RNGTT: variants seen among roughly 807,000 people sequenced by gnomAD.
RNGTT encodes the protein RNA guanylyltransferase and 5'-phosphatase.
Under a neutral mutation model 79.3 loss-of-function variants are expected in RNGTT, and 33 were observed. The observed-to-expected ratio is 0.42, with a 90% CI of 0.32 to 0.56. The LOEUF (loss-of-function observed/expected upper bound fraction) is 0.56. RNGTT is among the 20% of genes least tolerant of loss of function. The pLI is 0.17. For missense variants in RNGTT, 497 were observed against 739.1 expected, an observed-to-expected ratio of 0.67 and a Z score of 3.80; for synonymous variants, 222 against 235.9, an observed-to-expected ratio of 0.94 and a Z score of 0.54.
intron 13 of RNGTT, among the ~76,000 whole-genome samples, chr6:88,755,494 T>C (rs901393666): frequency 6.6e-6 from 1 of 152,104 alleles, no homozygotes; most frequent in Non-Finnish European, 1.5e-5. Context: ...CTAAGTTTTT[T>C]CAGTAATACC....
intron 14 of RNGTT, among the ~76,000 whole-genome samples, chr6:88,618,311 G>C (rs938797185): frequency 1.3e-5 from 2 of 152,088 alleles, no homozygotes; most frequent in South Asian, 4.1e-4. Flanking sequence ...TTGGTTAGGT[G>C]GTAAAATATA....
chr6:88,670,099 G>T (rs1053319714), intron 14 of RNGTT, among the ~76,000 whole-genome samples: 8 of 152,186 alleles, frequency 5.3e-5, no homozygotes, highest in Non-Finnish European at 1.0e-4. Flanking sequence ...GGAAAGAGGG[G>T]TCTGTGGAAA....
intron 11 of RNGTT, among the ~76,000 whole-genome samples, chr6:88,830,723 A>C (rs1418741932): frequency 2.0e-5 from 3 of 152,222 alleles, no homozygotes; most frequent in Non-Finnish European, 2.9e-5. Context: ...GAGAAGAATC[A>C]AATAGACACA....
chr6:88,697,880 T>A lies in RNGTT; in HGVS notation c.1440-19461A>T, dbSNP rs1349713358. The stretch of plus-strand genomic sequence containing the variant: ...AGTGAGACCCTGTCTTGGAAAAAAA[T>A]ATATATATGATATATATATATGATA... On this transcript the variant is annotated intron_variant, in intron 13 of 15. Coordinates refer to ENST00000369485, the MANE Select transcript of RNGTT (RefSeq NM_003800.5). 8.2e-4 allele frequency among the ~76,000 whole-genome samples: 97 copies of A among 117,954 alleles called. 4 individuals carry two copies. Among genetic ancestry groups the A allele is most frequent in the South Asian group, 1.9e-3 (8 of 4,132 alleles). The allele number at this position is 117,954 out of a possible 152,430, so 77.4% of individuals were successfully genotyped here.
At chr6:88,861,203 G>A (rs916436999) in intron 8 of RNGTT, among the ~76,000 whole-genome samples, 4 of 152,072 alleles carry the variant, frequency 2.6e-5, no homozygotes, top group Admixed American at 1.3e-4. Flanking sequence ...TCTCAATGTT[G>A]TATTAGTATA....
At chr6:88,803,663 T>C (rs928415891) in intron 11 of RNGTT, among the ~76,000 whole-genome samples, 2 of 131,666 alleles carry the variant, frequency 1.5e-5, no homozygotes, top group African/African-American at 6.5e-5. Flanking sequence ...TAATCTCTTT[T>C]TTCAAAAAAA....
At chr6:88,706,323 G>GAA (rs1457901825) in intron 13 of RNGTT, among the ~76,000 whole-genome samples, 1 of 151,862 alleles carries the variant, frequency 6.6e-6, no homozygotes, top group Non-Finnish European at 1.5e-5. Flanking sequence ...AATTTTACAA[G>GAA]AAAATAGAGG....
At chr6:88,797,941 C>CAAAAAAA (rs143559265) in intron 12 of RNGTT, among the ~76,000 whole-genome samples, 1 of 65,814 alleles carries the variant, frequency 1.5e-5, no homozygotes, top group African/African-American at 5.7e-5. Flanking sequence ...AAGCAAAAGC[C>CAAAAAAA]AAAAAAAAAA....
chr6:88,871,884 A>C (rs1782367606), intron 8 of RNGTT, among the ~76,000 whole-genome samples: 1 of 152,168 alleles, frequency 6.6e-6, no homozygotes, highest in South Asian at 2.1e-4. Context: ...GGCCACGAAG[A>C]AGATGGAAAA....
At chr6:88,635,833 A>G (rs1773078516) in intron 14 of RNGTT, among the ~76,000 whole-genome samples, 1 of 151,396 alleles carries the variant, frequency 6.6e-6, no homozygotes, top group South Asian at 2.1e-4. Flanking sequence ...TTTGCTACTT[A>G]ATATATCACT....
chr6:88,877,699 A>C (rs1782561197), intron 8 of RNGTT, among the ~76,000 whole-genome samples: 1 of 152,180 alleles, frequency 6.6e-6, no homozygotes, highest in Non-Finnish European at 1.5e-5. Context: ...GGAGTCAAAG[A>C]GTCCTTCTTT....
At chr6:88,931,107 G>A (rs1784500147) in intron 2 of RNGTT, among the ~76,000 whole-genome samples, 1 of 148,274 alleles carries the variant, frequency 6.7e-6, no homozygotes, top group South Asian at 2.1e-4. Flanking sequence ...TCATGTAGGT[G>A]CTAAAAAAGA....
chr6:88,715,341 C>A (rs1249795279), intron 13 of RNGTT, among the ~76,000 whole-genome samples: 3 of 152,078 alleles, frequency 2.0e-5, no homozygotes, highest in Admixed American at 2.0e-4. Context: ...GAAGAACATT[C>A]CATGCTCATG....
chr6:88,770,276 A>G (rs1778606454), intron 12 of RNGTT, among the ~76,000 whole-genome samples: 1 of 152,224 alleles, frequency 6.6e-6, no homozygotes, highest in African/African-American at 2.4e-5. Context: ...CATGATATTG[A>G]ACATTTCAAG....
intron 12 of RNGTT, among the ~76,000 whole-genome samples, chr6:88,770,925 A>G (rs1225361217): frequency 1.3e-5 from 2 of 152,030 alleles, no homozygotes; most frequent in Admixed American, 6.6e-5. Flanking sequence ...TGTCTGTTCA[A>G]ATCTTTTACT....
chr6:88,932,394 G>A (rs149138718), intron 2 of RNGTT, among the ~76,000 whole-genome samples: 2,924 of 152,172 alleles, frequency 0.019, 85 homozygotes, highest in African/African-American at 0.067. Flanking sequence ...ATCTCACCCT[G>A]ACCTTCTGCC....
At chr6:88,717,003 T>C (rs1776541376) in intron 13 of RNGTT, among the ~76,000 whole-genome samples, 1 of 152,168 alleles carries the variant, frequency 6.6e-6, no homozygotes, top group African/African-American at 2.4e-5. Flanking sequence ...ATTCCATTTG[T>C]GAAAAGATCA....
chr6:88,743,209 G>T (rs1777554500), intron 13 of RNGTT, among the ~76,000 whole-genome samples: 3 of 152,060 alleles, frequency 2.0e-5, no homozygotes, highest in East Asian at 3.9e-4. Context: ...GTATAACAAG[G>T]ATTTGTTTGA....
At chr6:88,700,312 C>G in intron 13 of RNGTT, among the ~76,000 whole-genome samples, 1 of 152,118 alleles carries the variant, frequency 6.6e-6, no homozygotes, top group African/African-American at 2.4e-5. Context: ...CCCAAACTTT[C>G]ATTTCTAATT....
Sources: allele counts gnomAD v4.1 joint callset (sites outside exome capture counted in the v4.1 genomes callset), GRCh38; gene constraint gnomAD v4.1.1; transcripts MANE v1.5; gene names NCBI Gene and HGNC (gene_info 2026-07-23, HGNC 2026-07-21).